Variants in HHIP observed in about 807,000 individuals in gnomAD.
HHIP encodes the protein hedgehog-interacting protein.
Under a neutral mutation model 74.0 loss-of-function variants are expected in HHIP, and 12 were observed. The ratio of observed to expected loss-of-function variants is 0.16; its 90% CI spans 0.10 to 0.26. The LOEUF (loss-of-function observed/expected upper bound fraction) is 0.26, where lower values mean the gene tolerates loss of function less well. HHIP is among the 10% of genes least tolerant of loss of function. The pLI is 1.00. For missense variants in HHIP, 788 were observed against 845.0 expected (o/e 0.93, Z 0.84); for synonymous variants, 309 against 311.6 (o/e 0.99, Z 0.09).
At chr4:144,699,127 C>T (rs767701248) in intron 4 of HHIP, among the ~76,000 whole-genome samples, 7 of 152,162 alleles carry the variant, frequency 4.6e-5, no homozygotes, top group Non-Finnish European at 8.8e-5. Flanking sequence ...GGCTCAGCCC[C>T]ATAAGACTGC....
chr4:144,651,441 C>A (rs1728425777), intron 1 of HHIP, among the ~76,000 whole-genome samples: 1 of 151,838 alleles, frequency 6.6e-6, no homozygotes, highest in African/African-American at 2.4e-5. Flanking sequence ...ATATCATTAT[C>A]CCAAAAAACA....
intron 1 of HHIP, 168 bp downstream of exon 1, chr4:144,647,122 G>C (rs140398375): frequency 1.4e-5 from 8 of 578,434 alleles, no homozygotes; most frequent in Middle Eastern, 4.6e-4. Flanking sequence ...GTTCCTCTGG[G>C]GTAAGCAAGT....
intron 4 of HHIP, among the ~76,000 whole-genome samples, chr4:144,686,831 G>A (rs113488659): frequency 2.6e-4 from 40 of 152,320 alleles, no homozygotes; most frequent in African/African-American, 9.6e-4. Context: ...ACAGTTGTCA[G>A]AGCTTTCTGG....
intron 10 of HHIP, among the ~76,000 whole-genome samples, chr4:144,717,737 CTCTCTCTCTCTCTT>C (rs1214355809): frequency 1.3e-5 from 2 of 151,476 alleles, no homozygotes; most frequent in East Asian, 1.9e-4. Flanking sequence ...GCATCAAGGT[CTCTCTCTCTCTCTT>C]TCTCTCTCTC....
rs771363648 is a variant in HHIP at position 144,715,395 on chromosome 4, C to T, written c.1643C>T (p.Ser548Phe). 8.1e-6 allele frequency: 13 copies of T among 1,613,480 alleles called. No individual in the cohort carries two copies. Among genetic ancestry groups the T allele is most frequent in the Non-Finnish European group, 1.1e-5 (13 of 1,179,528 alleles). Residue 548 changes from serine to phenylalanine, a missense_variant, in exon 10 of 13, where the codon TCC becomes TTC. Coordinates refer to ENST00000296575, the MANE Select transcript of HHIP (RefSeq NM_022475.3). ...GTSGSCRGYFSGHILGFGEDE... is the reference protein window; with the variant it reads ...GTSGSCRGYFFGHILGFGEDE... ...AGTGGGTCCTGTAGAGGCTACTTTT[C>T]CGGTCACATCTTGGGATTTGGAGAA... is the stretch of plus-strand genomic sequence containing the variant.
intron 10 of HHIP, among the ~76,000 whole-genome samples, chr4:144,716,703 G>A (rs1287643097): frequency 6.6e-6 from 1 of 151,660 alleles, no homozygotes; most frequent in Non-Finnish European, 1.5e-5. Flanking sequence ...CAAAAAATTA[G>A]CCGGGTATAC....
intron 2 of HHIP, among the ~76,000 whole-genome samples, chr4:144,656,780 A>G (rs1351108238): frequency 1.3e-5 from 2 of 152,106 alleles, no homozygotes; most frequent in African/African-American, 4.8e-5. Context: ...CTGTGCAAAG[A>G]GTTTGATTTA....
chr4:144,652,867 T>C, intron 2 of HHIP, 70 bp downstream of exon 2: 1 of 1,024,410 alleles, frequency 9.8e-7, no homozygotes, highest in Non-Finnish European at 1.4e-6. Context: ...TGTACTTAAA[T>C]GCTTATTTAC....
At chr4:144,649,074 G>C (rs1273446200) in intron 1 of HHIP, among the ~76,000 whole-genome samples, 3 of 152,132 alleles carry the variant, frequency 2.0e-5, no homozygotes, top group African/African-American at 7.2e-5. Context: ...TAGTTTTCAA[G>C]TTTTAATAGT....
At chr4:144,721,406 C>T (rs1161775450) in intron 11 of HHIP, among the ~76,000 whole-genome samples, 3 of 152,026 alleles carry the variant, frequency 2.0e-5, no homozygotes, top group African/African-American at 7.2e-5. Flanking sequence ...TCTAGTATTA[C>T]CACCTCAGTC....
chr4:144,646,556 G>T lies in HHIP; in HGVS notation c.-120G>T. 1 of 992,222 alleles carries T rather than the reference G, an allele frequency of 1.0e-6. No homozygotes were observed. Among genetic ancestry groups the T allele is most frequent in the Non-Finnish European group, 1.5e-6 (1 of 664,842 alleles). 61.5% of individuals were successfully genotyped at this position (992,222 alleles called of 1,614,324 possible). A position where few individuals can be genotyped will look rare whatever the true frequency, so the allele number is the denominator to read the frequency against. On this transcript the variant is annotated 5_prime_UTR_variant, in exon 1 of 13. Coordinates refer to ENST00000296575, the MANE Select transcript of HHIP (RefSeq NM_022475.3). ...ATTTTTGTCCCCGCCACCTCCCTCT[G>T]TCTCTGGAGTGCCCTACAGCCCCGC...
chr4:144,720,807 A>C (rs1332848985), intron 11 of HHIP, among the ~76,000 whole-genome samples: 1 of 152,204 alleles, frequency 6.6e-6, no homozygotes, highest in African/African-American at 2.4e-5. Flanking sequence ...AAATGTTTTT[A>C]TAAACATTTG....
At chr4:144,719,415 T>A (rs1730567682) in intron 11 of HHIP, among the ~76,000 whole-genome samples, 1 of 152,222 alleles carries the variant, frequency 6.6e-6, no homozygotes, top group African/African-American at 2.4e-5. Flanking sequence ...TTGGAAACTA[T>A]CTGAAAGCTT....
chr4:144,657,641 T>A (rs1334121926), intron 2 of HHIP, among the ~76,000 whole-genome samples: 1 of 152,138 alleles, frequency 6.6e-6, no homozygotes, highest in Admixed American at 6.6e-5. Flanking sequence ...TGCCATAAAG[T>A]TATTTCCTTT....
intron 1 of HHIP, among the ~76,000 whole-genome samples, chr4:144,647,827 A>G (rs138601252): frequency 2.6e-5 from 4 of 152,278 alleles, no homozygotes; most frequent in Admixed American, 1.3e-4. Context: ...CACATCATTA[A>G]CAATCACTGC....
intron 1 of HHIP, among the ~76,000 whole-genome samples, chr4:144,652,037 A>G (rs1728441384): frequency 1.3e-5 from 2 of 152,094 alleles, no homozygotes; most frequent in South Asian, 4.1e-4. Context: ...TATTTTTATA[A>G]AACATGAACA....
chr4:144,690,616 A>G lies in HHIP; in HGVS notation c.832-15915A>G, dbSNP rs145370621. On this transcript the variant is annotated intron_variant, in intron 4 of 12. Coordinates refer to ENST00000296575, the MANE Select transcript of HHIP (RefSeq NM_022475.3). The stretch of plus-strand genomic sequence containing the variant: ...TGGAAAGACACGAACATGAGATGGA[A>G]TGACAGAGCGGAGACTGGAAAGAGA... Among the ~76,000 whole-genome samples the G allele has an allele frequency of 5.3e-3, 815 of 152,350 alleles. 7 individuals are homozygous for G. Among genetic ancestry groups the G allele is most frequent in the African/African-American group, 0.019 (794 of 41,580 alleles).
chr4:144,678,990 C>T (rs1729255758), intron 4 of HHIP, among the ~76,000 whole-genome samples: 3 of 152,176 alleles, frequency 2.0e-5, no homozygotes, highest in Admixed American at 2.0e-4. Context: ...ATTTACACTC[C>T]CACCAACAGT....
In HHIP at chr4:144,646,474, A is replaced by G; in HGVS notation, c.-202A>G. 1.8e-6 allele frequency: 1 copy of G among 556,730 alleles called. No homozygotes were observed. The highest frequency in any genetic ancestry group is 3.2e-6 in the Non-Finnish European group (1 of 314,526). The allele number at this position is 556,730 out of a possible 1,614,324, so 34.5% of individuals were successfully genotyped here. On this transcript the variant is annotated 5_prime_UTR_variant, in exon 1 of 13. Coordinates refer to ENST00000296575, the MANE Select transcript of HHIP (RefSeq NM_022475.3). ...TTATCTCGCTCCTCGGGCTCCCCTA[A>G]GGCATTGGACCCATCGCCGCGTCTT...
Sources: gnomAD v4.1 joint callset for allele counts (sites outside exome capture counted in the v4.1 genomes callset) on GRCh38, gnomAD v4.1.1 for gene constraint, MANE v1.5 for transcripts, NCBI Gene and HGNC (gene_info 2026-07-23, HGNC 2026-07-21) for gene names.